The following CYB561 variants were observed in gnomAD, a reference collection of about 807,000 sequenced individuals.
CYB561 encodes the protein cytochrome b561.
In CYB561, 11 loss-of-function variants were observed where a neutral mutation model predicts 25.3. The ratio of observed to expected loss-of-function variants is 0.44; its 90% CI spans 0.27 to 0.72. The LOEUF (loss-of-function observed/expected upper bound fraction) is 0.72. Ranked by LOEUF, CYB561 falls within the 30% of genes least tolerant of loss-of-function variation. CYB561 has a pLI of 0.18. For synonymous variants in CYB561, 165 were observed against 158.8 expected (o/e 1.04, Z -0.29); for missense variants, 295 against 334.9 (o/e 0.88, Z 0.93).
rs1244304437 is a variant in CYB561 at position 63,432,677 on chromosome 17, T to A, written c.*1725A>T. On this transcript the variant is annotated 3_prime_UTR_variant, in exon 6 of 6. Transcript: ENST00000360793. ...TCTAAACAGGAGGCGAACACTGTCA[T>A]CCGGACAGGCTGAGAGGAGGCGGGG... 2 of 152,244 alleles carry A rather than the reference T, an allele frequency of 1.3e-5. No individual in the cohort carries two copies. Among genetic ancestry groups the A allele is most frequent in the Non-Finnish European group, 2.9e-5 (2 of 68,114 alleles). The allele number at this position is 152,244 out of a possible 1,614,324, so 9.4% of individuals were successfully genotyped here.
chr17:63,436,272 C>A lies in CYB561; in HGVS notation c.203-120G>T. 7.8e-7 allele frequency: 1 copy of A among 1,277,258 alleles called. No homozygotes were observed. Among genetic ancestry groups the A allele is most frequent in the Non-Finnish European group, 1.1e-6 (1 of 929,588 alleles). The allele number at this position is 1,277,258 out of a possible 1,614,324, so 79.1% of individuals were successfully genotyped here. A position where few individuals can be genotyped will look rare whatever the true frequency, so the allele number is the denominator to read the frequency against. On this transcript the variant is annotated intron_variant, in intron 2 of 5. Coordinates refer to ENST00000360793, the MANE Select transcript of CYB561 (RefSeq NM_001915.4). The surrounding 1 kb of genome is among the most constrained non-coding windows in gnomAD (Gnocchi z 4.8). ...TGAGCTGACGGCTTGTAACAGGAGC[C>A]TAGCTGCAGGAACCGGAGGAGAAAG...
At position 63,435,469 on chromosome 17, in the gene CYB561, T is replaced by C; in HGVS notation, c.405+219A>G. On this transcript the variant is annotated intron_variant, in intron 4 of 5. Transcript: ENST00000360793. ...TGGCACACTCAGAAAGCTGGGCTTG[T>C]GGCCAAAAGTGCTGAGTCAGCCATG... 1.2e-5 allele frequency: 8 copies of C among 679,536 alleles called. 1 individual carries two copies. In the South Asian group the frequency reaches 1.3e-4, roughly 11 times the overall value. 42.1% of individuals were successfully genotyped at this position (679,536 alleles called of 1,614,324 possible).
In CYB561 at chr17:63,436,967, TGC is replaced by T. The variant is rs541014367; in HGVS notation, c.202+377_202+378del. 4.3e-6 allele frequency: 1 copy of T among 230,924 alleles called. No homozygotes were observed. The highest frequency in any genetic ancestry group is 8.7e-6 in the Non-Finnish European group (1 of 115,600). The allele number at this position is 230,924 out of a possible 1,614,324, so 14.3% of individuals were successfully genotyped here. ...CCAAGTCCAAGACCAACAACACACATGCGCGCGCACGCACGCACGCATACAAA... is the reference window on the plus strand; with the variant it reads ...CCAAGTCCAAGACCAACAACACACATGCGCGCACGCACGCACGCATACAAA... On this transcript the variant is annotated intron_variant, in intron 2 of 5. Coordinates refer to ENST00000360793, the MANE Select transcript of CYB561 (RefSeq NM_001915.4). The surrounding 1 kb of genome is among the most constrained non-coding windows in gnomAD (Gnocchi z 4.8).
chr17:63,442,802 G>C (rs2049387765), intron 1 of CYB561: 1 of 152,180 alleles, frequency 6.6e-6, no homozygotes, highest in African/African-American at 2.4e-5. Flanking sequence ...AATGCAATCA[G>C]CGCATTAGGG....
chr17:63,433,353 G>A lies in CYB561; in HGVS notation c.*1049C>T. 2.5e-6 allele frequency: 1 copy of A among 398,636 alleles called. No homozygotes were observed. The highest frequency in any genetic ancestry group is 4.4e-6 in the Non-Finnish European group (1 of 226,124). 24.7% of individuals were successfully genotyped at this position (398,636 alleles called of 1,614,324 possible). ...CAGCTAACATGACACTCTTTATGGG[G>A]CTGGAGTGATGTGCAGACACCACGG... On this transcript the variant is annotated 3_prime_UTR_variant, in exon 6 of 6. Coordinates refer to ENST00000360793, the MANE Select transcript of CYB561 (RefSeq NM_001915.4).
chr17:63,433,152 C>T lies in CYB561; in HGVS notation c.*1250G>A, dbSNP rs193110213. On this transcript the variant is annotated 3_prime_UTR_variant, in exon 6 of 6. Coordinates refer to ENST00000360793, the MANE Select transcript of CYB561 (RefSeq NM_001915.4). Reference sequence around the variant, plus strand: ...GGTTCACACCATTCTCCTGCCTCAGCCTCCCAAGTAGCTGGGACTACAGGC... The same window carrying T: ...GGTTCACACCATTCTCCTGCCTCAGTCTCCCAAGTAGCTGGGACTACAGGC... The T allele has an allele frequency of 1.4e-5, 5 of 358,894 alleles. No homozygotes were observed. In the Admixed American group the frequency reaches 1.9e-4, roughly 13 times the overall value. The allele number at this position is 358,894 out of a possible 1,614,324, so 22.2% of individuals were successfully genotyped here. A position where few individuals can be genotyped will look rare whatever the true frequency, so the allele number is the denominator to read the frequency against.
chr17:63,435,368 T>C, intron 4 of CYB561, 125 bp from the exon 5 acceptor site: 1 of 1,063,150 alleles, frequency 9.4e-7, no homozygotes, highest in Non-Finnish European at 1.4e-6. Context: ...CCTGGTTTCC[T>C]TCCTCCTCAG....
At chr17:63,439,711 C>T (rs1328908714) in intron 1 of CYB561, among the ~76,000 whole-genome samples, 1 of 152,294 alleles carries the variant, frequency 6.6e-6, no homozygotes, top group East Asian at 1.9e-4. Context: ...GAAGCAGGAT[C>T]ATTTATTCCA....
At chr17:63,437,988 G>T in intron 1 of CYB561, 2 of 121,390 alleles carry the variant, frequency 1.6e-5, no homozygotes, top group South Asian at 1.1e-4. Context: ...ACCCTCCCCC[G>T]AGGCTCCCGC....
At chr17:63,437,687 C>G (rs1599118210) in intron 1 of CYB561, 127 bp from the exon 2 acceptor site, 10 of 652,668 alleles carry the variant, frequency 1.5e-5, no homozygotes. Context: ...CCTCAAGATG[C>G]GCACAGCCGC....
At position 63,436,067 on chromosome 17, in the gene CYB561, G is replaced by C. The variant is rs1175759846; in HGVS notation, c.288C>G (p.Val96=). 1.9e-6 allele frequency: 3 copies of C among 1,614,198 alleles called. No individual in the cohort carries two copies. Among genetic ancestry groups the C allele is most frequent in the Non-Finnish European group, 2.5e-6 (3 of 1,180,026 alleles). The change falls in exon 3 of 6, where the codon GTC becomes GTG. Residue 96 remains valine (V), a synonymous_variant. Transcript: ENST00000360793. This position sits in a 1 kb window ranked among gnomAD's most constrained non-coding sequence, Gnocchi z 4.8. ...LHGLLHIFAL[V]IALVGLVAVF... is the part of the protein sequence containing the mutation. ...CCGGGAACTCACCAACCAGGGCGAT[G>C]ACGAGCGCAAAGATGTGCAGCAGCC...
intron 1 of CYB561, among the ~76,000 whole-genome samples, chr17:63,441,868 C>T (rs2049378883): frequency 6.6e-6 from 1 of 152,228 alleles, no homozygotes; most frequent in Non-Finnish European, 1.5e-5. Flanking sequence ...CTCCCCGCCT[C>T]GGTTCCACCA....
chr17:63,441,983 C>T (rs1269892968), intron 1 of CYB561, among the ~76,000 whole-genome samples: 1 of 152,226 alleles, frequency 6.6e-6, no homozygotes, highest in Non-Finnish European at 1.5e-5. Flanking sequence ...TTTCCATTTG[C>T]TCCTAAGGCG....
intron 1 of CYB561, among the ~76,000 whole-genome samples, chr17:63,443,687 G>T (rs537948193): frequency 1.2e-4 from 19 of 152,320 alleles, no homozygotes; most frequent in African/African-American, 4.6e-4. Context: ...GAATACGATG[G>T]CATGATCATA....
chr17:63,439,403 C>T (rs2049352452), intron 1 of CYB561: 2 of 152,178 alleles, frequency 1.3e-5, no homozygotes, highest in Non-Finnish European at 2.9e-5. Flanking sequence ...CATGGTGGCT[C>T]ACACCTGTAA....
At position 63,433,115 on chromosome 17, in the gene CYB561, C is replaced by T. The variant is rs1279994780; in HGVS notation, c.*1287G>A. 1.2e-5 allele frequency: 4 copies of T among 327,566 alleles called. No homozygotes were observed. Among genetic ancestry groups the T allele is most frequent in the Non-Finnish European group, 1.6e-5 (3 of 181,864 alleles). The allele number at this position is 327,566 out of a possible 1,614,324, so 20.3% of individuals were successfully genotyped here. ...GAGTGCAATCTCAGCTCACTGCAAG[C>T]GCCATCTCCCGGGTTCACACCATTC... is the stretch of plus-strand genomic sequence containing the variant. On this transcript the variant is annotated 3_prime_UTR_variant, in exon 6 of 6. Coordinates refer to ENST00000360793, the MANE Select transcript of CYB561 (RefSeq NM_001915.4).
At position 63,433,069 on chromosome 17, in the gene CYB561, T is replaced by C. The variant is rs1365383703; in HGVS notation, c.*1333A>G. 7.7e-6 allele frequency: 2 copies of C among 261,186 alleles called. No homozygotes were observed. Among genetic ancestry groups the C allele is most frequent in the Non-Finnish European group, 1.4e-5 (2 of 139,704 alleles). The allele number at this position is 261,186 out of a possible 1,614,324, so 16.2% of individuals were successfully genotyped here. On this transcript the variant is annotated 3_prime_UTR_variant, in exon 6 of 6. Coordinates refer to ENST00000360793, the MANE Select transcript of CYB561 (RefSeq NM_001915.4). ...ATCGGTGTTCTTTTTTTTTTCTTTT[T>C]TGAGCCTGTCGCCCAGGCTGGAGTG...
intron 1 of CYB561, chr17:63,445,945 C>A (rs1364768844): frequency 1.3e-5 from 2 of 152,372 alleles, no homozygotes; most frequent in Non-Finnish European, 2.9e-5. Context: ...CTCGGGGTCA[C>A]CAGCAAGCGG....
chr17:63,438,811 C>CG (rs1393037838), intron 1 of CYB561, among the ~76,000 whole-genome samples: 25 of 152,224 alleles, frequency 1.6e-4, no homozygotes. Context: ...AGCTTCATGC[C>CG]GGCCGGAGAG....
Sources: allele counts gnomAD v4.1 joint callset (sites outside exome capture counted in the v4.1 genomes callset), GRCh38; gene constraint gnomAD v4.1.1; non-coding constraint Gnocchi (gnomAD v3.1); transcripts MANE v1.5; gene names NCBI Gene and HGNC (gene_info 2026-07-23, HGNC 2026-07-21).